The following SH3GL3 variants were observed in gnomAD, a reference collection of about 807,000 sequenced individuals.
SH3GL3 encodes endophilin-A3.
Under a neutral mutation model 47.7 loss-of-function variants are expected in SH3GL3, and 33 were observed. The observed-to-expected ratio is 0.69, with a 90% confidence interval of 0.52 to 0.92. The LOEUF is 0.92. Ranked by LOEUF, SH3GL3 falls within the 40% of genes least tolerant of loss-of-function variation. The pLI, the probability that SH3GL3 is intolerant of heterozygous loss-of-function variation, is 0.00. For missense variants in SH3GL3, 363 were observed against 417.8 expected (o/e 0.87, Z 1.14); for synonymous variants, 155 against 148.8 (o/e 1.04, Z -0.30).
At chr15:83,541,368 C>G (rs1189108446) in intron 1 of SH3GL3, among the ~76,000 whole-genome samples, 2 of 108,280 alleles carry the variant, frequency 1.8e-5, no homozygotes, top group Non-Finnish European at 3.4e-5. Context: ...GAGTCTCGCT[C>G]TGTCGCCCAG....
intron 1 of SH3GL3, among the ~76,000 whole-genome samples, chr15:83,491,313 G>A (rs943029340): frequency 6.6e-6 from 1 of 152,154 alleles, no homozygotes; most frequent in Non-Finnish European, 1.5e-5. Context: ...AAATACCAAT[G>A]GCTAAAGAAC....
chr15:83,479,387 A>G (rs1232340028), intron 1 of SH3GL3, among the ~76,000 whole-genome samples: 1 of 152,018 alleles, frequency 6.6e-6, no homozygotes, highest in Non-Finnish European at 1.5e-5. Context: ...GATCCCGGGA[A>G]AACTAGCTGG....
intron 1 of SH3GL3, among the ~76,000 whole-genome samples, chr15:83,478,873 A>G (rs536997817): frequency 6.6e-6 from 1 of 152,356 alleles, no homozygotes; most frequent in South Asian, 2.1e-4. Context: ...CTAGCTGATA[A>G]CTTTCTCCAC....
chr15:83,544,850 T>G (rs550311237), intron 1 of SH3GL3, among the ~76,000 whole-genome samples: 1 of 152,308 alleles, frequency 6.6e-6, no homozygotes, highest in East Asian at 1.9e-4. Flanking sequence ...TGCCACTTTC[T>G]TCCAGTCTGA....
At chr15:83,466,400 G>C (rs2040568598) in intron 1 of SH3GL3, among the ~76,000 whole-genome samples, 1 of 149,290 alleles carries the variant, frequency 6.7e-6, no homozygotes, top group African/African-American at 2.4e-5. Context: ...ATGTCCAGGA[G>C]TGCAATTGTT....
At chr15:83,524,135 C>T (rs111649627) in intron 1 of SH3GL3, among the ~76,000 whole-genome samples, 23 of 152,128 alleles carry the variant, frequency 1.5e-4, no homozygotes, top group Admixed American at 2.0e-4. Context: ...GGATACTATA[C>T]GCAGGGAGCT....
At chr15:83,617,193 T>C (rs185564507) in intron 8 of SH3GL3, among the ~76,000 whole-genome samples, 5 of 152,354 alleles carry the variant, frequency 3.3e-5, no homozygotes, top group Admixed American at 3.3e-4. Flanking sequence ...TGGGACTAGA[T>C]GTCAGTAAAT....
At chr15:83,487,174 A>G (rs1269409781) in intron 1 of SH3GL3, among the ~76,000 whole-genome samples, 1 of 150,062 alleles carries the variant, frequency 6.7e-6, no homozygotes, top group Non-Finnish European at 1.5e-5. Context: ...AAATGTTTTA[A>G]TCTTGAAGAA....
intron 1 of SH3GL3, among the ~76,000 whole-genome samples, chr15:83,545,450 C>G (rs931784265): frequency 6.6e-6 from 1 of 152,158 alleles, no homozygotes; most frequent in Non-Finnish European, 1.5e-5. Context: ...TGAACTTCTT[C>G]AAAACAGTTC....
At chr15:83,561,690 A>G (rs2045281364) in intron 2 of SH3GL3, among the ~76,000 whole-genome samples, 1 of 152,200 alleles carries the variant, frequency 6.6e-6, no homozygotes. Context: ...AGAAAAAGGA[A>G]AAACACAAAC....
chr15:83,515,654 A>T lies in SH3GL3; in HGVS notation c.46-43599A>T, dbSNP rs1316911781. Among the ~76,000 whole-genome samples, 3 of 152,206 alleles carry T rather than the reference A, an allele frequency of 2.0e-5. No homozygotes were observed. In the East Asian group the frequency reaches 5.8e-4, roughly 29 times the overall value. ...TTAAATTTAGTTTTATTATATTGCT[A>T]CTTAAATCTGTATAAACATAAAACT... On this transcript the variant is annotated intron_variant, in intron 1 of 8. Coordinates refer to ENST00000427482, the MANE Select transcript of SH3GL3 (RefSeq NM_003027.5).
chr15:83,462,390 C>G (rs2040343653), intron 1 of SH3GL3, among the ~76,000 whole-genome samples: 1 of 152,238 alleles, frequency 6.6e-6, no homozygotes, highest in East Asian at 1.9e-4. Context: ...AAAAGCTGAT[C>G]TAAGAAATCC....
At chr15:83,581,909 C>T (rs2059837609) in intron 6 of SH3GL3, among the ~76,000 whole-genome samples, 1 of 152,168 alleles carries the variant, frequency 6.6e-6, no homozygotes, top group African/African-American at 2.4e-5. Flanking sequence ...ATTCTATAGG[C>T]AGTGATGCAA....
At chr15:83,506,965 T>A (rs1024572528) in intron 1 of SH3GL3, among the ~76,000 whole-genome samples, 24 of 151,782 alleles carry the variant, frequency 1.6e-4, no homozygotes, top group South Asian at 8.3e-4. Context: ...AAAAAAAAAA[T>A]TTCCTGATTG....
At chr15:83,495,553 G>A (rs1438272316) in intron 1 of SH3GL3, among the ~76,000 whole-genome samples, 2 of 152,030 alleles carry the variant, frequency 1.3e-5, no homozygotes, top group Non-Finnish European at 2.9e-5. Flanking sequence ...TGGCCAAAAT[G>A]GTAAAACCCT....
At chr15:83,489,849 A>C (rs2041787005) in intron 1 of SH3GL3, among the ~76,000 whole-genome samples, 1 of 102,700 alleles carries the variant, frequency 9.7e-6, no homozygotes, top group African/African-American at 3.8e-5. Context: ...ATAGATAGAT[A>C]GATAGATAGA....
chr15:83,576,637 C>A lies in SH3GL3; in HGVS notation c.520C>A (p.Arg174=), dbSNP rs746973888. The A allele has an allele frequency of 3.1e-6, 5 of 1,612,406 alleles. No homozygotes were observed. Among genetic ancestry groups the A allele is most frequent in the Non-Finnish European group, 4.2e-6 (5 of 1,179,236 alleles). The change falls in exon 6 of 9, where the codon CGA becomes AGA. Residue 174 remains arginine, a synonymous_variant. Transcript: ENST00000427482. ...CCTGGATTACGATTATAAAAAGAAACGAGTAGGTAAGATACCAGACGAAGA... is the reference window on the plus strand; with the variant it reads ...CCTGGATTACGATTATAAAAAGAAAAGAGTAGGTAAGATACCAGACGAAGA... ...RRLDYDYKKK[R]VGKIPDEEVR...
At chr15:83,576,402 G>A (rs1034580126) in intron 5 of SH3GL3, among the ~76,000 whole-genome samples, 181 bp from the exon 6 acceptor site, 3 of 152,184 alleles carry the variant, frequency 2.0e-5, no homozygotes, top group African/African-American at 7.2e-5. Flanking sequence ...TATTCCTGGA[G>A]CACCTGAAGT....
rs964432193 is a variant in SH3GL3, at chr15:83,456,698, G to A, written c.45+9120G>A. 3.5e-3 allele frequency among the ~76,000 whole-genome samples: 516 copies of A among 145,638 alleles called. 3 individuals are homozygous for A. The highest frequency in any genetic ancestry group is 5.1e-3 in the Non-Finnish European group (340 of 66,506). On this transcript the variant is annotated intron_variant, in intron 1 of 8. Coordinates refer to ENST00000427482, the MANE Select transcript of SH3GL3 (RefSeq NM_003027.5). ...ACGGTGCGCACACACACTGGCCTGC[G>A]CCCACTGTCTGGCACTCCCTAGTGA...
Sources: gnomAD v4.1 joint callset for allele counts (sites outside exome capture counted in the v4.1 genomes callset) on GRCh38, gnomAD v4.1.1 for gene constraint, MANE v1.5 for transcripts, NCBI Gene and HGNC (gene_info 2026-07-23, HGNC 2026-07-21) for gene names.